GPR132: variants seen among roughly 807,000 people sequenced by gnomAD.
GPR132 encodes G protein-coupled receptor 132, also known as probable G protein-coupled receptor 132.
A neutral mutation model predicts 1.9 loss-of-function variants in GPR132; 4 were observed. The ratio of observed to expected loss-of-function variants is 2.13; its 90% confidence interval spans 1.05 to 4.87. The LOEUF is 4.87. GPR132 is among the 30% of genes most tolerant of loss of function. The probability of loss-of-function intolerance (pLI) is 0.01; values close to 1 mark genes in which losing one functional copy is unlikely to be tolerated. For synonymous variants in GPR132, 233 were observed against 234.2 expected (o/e 0.99, Z 0.05); for missense variants, 404 against 512.5 (o/e 0.79, Z 2.04).
rs767500349 is a variant in GPR132, at chr14:105,051,336, A to G, written c.801T>C (p.Ala267=). Reference sequence around the variant, plus strand: ...TGTCTCCTCTGTAGTAGGAAAAGGCAGCGGCTTTGACGAGGAGAACCAGGT... The same window carrying G: ...TGTCTCCTCTGTAGTAGGAAAAGGCGGCGGCTTTGACGAGGAGAACCAGGT... The part of the protein sequence containing the change: ...PYHLVLLVKA[A]AFSYYRGDRN... Residue 267 remains alanine, a synonymous_variant, in exon 4 of 4, where the codon GCT becomes GCC. Coordinates refer to ENST00000329797, the MANE Select transcript of GPR132 (RefSeq NM_013345.4). This position sits in a 1 kb window ranked among gnomAD's most constrained non-coding sequence, Gnocchi z 8.0. 6.2e-7 allele frequency: 1 copy of G among 1,613,972 alleles called. No homozygotes were observed. Among genetic ancestry groups the G allele is most frequent in the South Asian group, 1.1e-5 (1 of 91,088 alleles).
In GPR132 at chr14:105,063,826, A is replaced by G. The variant is rs139587930; in HGVS notation, c.-861+1553T>C. 1.5e-3 allele frequency among the ~76,000 whole-genome samples: 224 copies of G among 148,078 alleles called. 6 individuals carry two copies. The East Asian group carries it at 0.027, about 18-fold the overall frequency. ...GCTGCTGAGGTCTGTCTTGTGGACTATCTGTAATTTCTTTCTTTCTTTTTT... is the reference window on the plus strand; with the variant it reads ...GCTGCTGAGGTCTGTCTTGTGGACTGTCTGTAATTTCTTTCTTTCTTTTTT... On this transcript the variant is annotated intron_variant, in intron 1 of 3. Coordinates refer to ENST00000329797, the MANE Select transcript of GPR132 (RefSeq NM_013345.4).
chr14:105,064,050 G>C (rs1260986696), intron 1 of GPR132, among the ~76,000 whole-genome samples: 2 of 151,954 alleles, frequency 1.3e-5, no homozygotes, highest in Non-Finnish European at 2.9e-5. Context: ...TATTGGTTAC[G>C]CTGGTCTCGA....
At position 105,052,239 on chromosome 14, in the gene GPR132, G is replaced by T. The variant is rs568151192; in HGVS notation, c.35-137C>A. On this transcript the variant is annotated intron_variant, in intron 3 of 3. Transcript: ENST00000329797. ...CAGGTGTTTAAAACATTTCCAAATT[G>T]ATTTTTTAGAGCAATTATTAGATAG... is the stretch of plus-strand genomic sequence containing the variant. 6.8e-5 allele frequency: 43 copies of T among 631,534 alleles called. No individual in the cohort carries two copies. In the South Asian group the frequency reaches 1.3e-3, roughly 19 times the overall value. 39.1% of individuals were successfully genotyped at this position (631,534 alleles called of 1,614,324 possible).
chr14:105,057,139 T>C (rs1348696823), intron 2 of GPR132, 28 bp downstream of exon 2: 1 of 1,520,418 alleles, frequency 6.6e-7, no homozygotes, highest in Non-Finnish European at 8.8e-7. Flanking sequence ...TCCTCTTACA[T>C]GTTCAAAGTC....
chr14:105,064,495 G>A lies in GPR132; in HGVS notation c.-861+884C>T, dbSNP rs188325727. On this transcript the variant is annotated intron_variant, in intron 1 of 3. Coordinates refer to ENST00000329797, the MANE Select transcript of GPR132 (RefSeq NM_013345.4). The stretch of plus-strand genomic sequence containing the variant: ...ATTACAGACGTGTGCCAACACGCCC[G>A]GCTAATTTTTGTATTTTTAGTAGAG... 8.7e-3 allele frequency among the ~76,000 whole-genome samples: 1,326 copies of A among 151,998 alleles called. 16 individuals are homozygous for A. Among genetic ancestry groups the A allele is most frequent in the Non-Finnish European group, 0.011 (757 of 67,966 alleles).
chr14:105,064,118 C>T (rs1175546678), intron 1 of GPR132, among the ~76,000 whole-genome samples: 2 of 152,132 alleles, frequency 1.3e-5, no homozygotes, highest in Admixed American at 6.5e-5. Context: ...GGATTACAGG[C>T]GTAAGCCACC....
intron 3 of GPR132, chr14:105,054,032 G>C: frequency 1.6e-6 from 2 of 1,287,332 alleles, no homozygotes; most frequent in South Asian, 2.5e-5. Context: ...CCCAAGCTCT[G>C]CCAGCGCCAC....
At chr14:105,053,188 C>T (rs1403535665) in intron 3 of GPR132, among the ~76,000 whole-genome samples, 2 of 144,556 alleles carry the variant, frequency 1.4e-5, no homozygotes, top group Non-Finnish European at 3.0e-5. Flanking sequence ...GAGTCTCTCC[C>T]TCTGCTCTGT....
At position 105,055,500 on chromosome 14, in the gene GPR132, G is replaced by A. The variant is rs1377105608; in HGVS notation, c.-80C>T. 5.2e-6 allele frequency: 4 copies of A among 769,306 alleles called. No homozygotes were observed. Among genetic ancestry groups the A allele is most frequent in the Admixed American group, 1.7e-5 (1 of 58,448 alleles). The allele number at this position is 769,306 out of a possible 1,614,324, so 47.7% of individuals were successfully genotyped here. A position where few individuals can be genotyped will look rare whatever the true frequency, so the allele number is the denominator to read the frequency against. On this transcript the variant is annotated 5_prime_UTR_variant, in exon 3 of 4. Transcript: ENST00000329797. This position sits in a 1 kb window ranked among gnomAD's most constrained non-coding sequence, Gnocchi z 4.7. ...CCAAACGGAGACTCTGCCCCAGGAA[G>A]CACTCGCTCCGCATTTGCTCCCAGC... is the stretch of plus-strand genomic sequence containing the variant.
At chr14:105,057,095 G>A in intron 2 of GPR132, 72 bp downstream of exon 2, 1 of 1,115,398 alleles carries the variant, frequency 9.0e-7, no homozygotes, top group East Asian at 2.6e-5. Context: ...TGAATTATGA[G>A]ACAACATGCT....
At chr14:105,064,585 C>T (rs533047225) in intron 1 of GPR132, among the ~76,000 whole-genome samples, 1 of 151,754 alleles carries the variant, frequency 6.6e-6, no homozygotes, top group African/African-American at 2.4e-5. Context: ...CCGCCCACCT[C>T]GGCCTCCCAA....
rs45499295 is a variant in GPR132 at position 105,049,792 on chromosome 14, T to C, written c.*1202A>G. ...AAGGCCCTGTCTCTAAAAAAATAAATATTAAAAACAAAAACAAAAACAAAA... is the reference window on the plus strand; with the variant it reads ...AAGGCCCTGTCTCTAAAAAAATAAACATTAAAAACAAAAACAAAAACAAAA... On this transcript the variant is annotated 3_prime_UTR_variant, in exon 4 of 4. Coordinates refer to ENST00000329797, the MANE Select transcript of GPR132 (RefSeq NM_013345.4). The C allele has an allele frequency of 6.0e-4, 91 of 152,336 alleles. 1 individual carries two copies. In the East Asian group the frequency reaches 0.017, roughly 29 times the overall value. 9.4% of individuals were successfully genotyped at this position (152,336 alleles called of 1,614,324 possible).
At chr14:105,052,161 C>T in intron 3 of GPR132, 59 bp from the exon 4 acceptor site, 1 of 1,382,434 alleles carries the variant, frequency 7.2e-7, no homozygotes, top group South Asian at 1.4e-5. Flanking sequence ...GGGAGAGACT[C>T]TACTGTGGGA....
rs188896706 is a variant in GPR132 at position 105,055,325 on chromosome 14, G to T, written c.34+62C>A. On this transcript the variant is annotated intron_variant, in intron 3 of 3. Coordinates refer to ENST00000329797, the MANE Select transcript of GPR132 (RefSeq NM_013345.4). This position sits in a 1 kb window ranked among gnomAD's most constrained non-coding sequence, Gnocchi z 4.7. Reference sequence around the variant, plus strand: ...CTGGGCGATAGAGTGAGACTCAATCGCAAGAAAAAAAAATTGAAAAAGTGG... The same window carrying T: ...CTGGGCGATAGAGTGAGACTCAATCTCAAGAAAAAAAAATTGAAAAAGTGG... 10 of 780,148 alleles carry T rather than the reference G, an allele frequency of 1.3e-5. No homozygotes were observed. Among genetic ancestry groups the T allele is most frequent in the East Asian group, 9.7e-5 (4 of 41,232 alleles). The allele number at this position is 780,148 out of a possible 1,614,324, so 48.3% of individuals were successfully genotyped here. A position where few individuals can be genotyped will look rare whatever the true frequency, so the allele number is the denominator to read the frequency against.
chr14:105,062,287 A>C (rs1219000882), intron 1 of GPR132, among the ~76,000 whole-genome samples: 1 of 152,110 alleles, frequency 6.6e-6, no homozygotes, highest in Non-Finnish European at 1.5e-5. Flanking sequence ...CCCAGCCTCC[A>C]TGCTGGGCAA....
Position 105,056,556 on chromosome 14 carries a change from G to A in GPR132, c.-746-390C>T, listed in dbSNP as rs960149164. On this transcript the variant is annotated intron_variant, in intron 2 of 3. Transcript: ENST00000329797. This position sits in a 1 kb window ranked among gnomAD's most constrained non-coding sequence, Gnocchi z 6.0. ...AGCCGCTCTGGTCTGTTCCCTCCCC[G>A]ACTTCCTACGGCTCCCCCACCCCAC... Among the ~76,000 whole-genome samples, 3 of 152,094 alleles carry A rather than the reference G, an allele frequency of 2.0e-5. No homozygotes were observed. Among genetic ancestry groups the A allele is most frequent in the Non-Finnish European group, 2.9e-5 (2 of 67,998 alleles).
At chr14:105,058,676 C>T (rs1381096701) in intron 1 of GPR132, among the ~76,000 whole-genome samples, 2 of 152,256 alleles carry the variant, frequency 1.3e-5, no homozygotes, top group Non-Finnish European at 2.9e-5. Context: ...GTGACGTGCA[C>T]ATGGCCTGGA....
At chr14:105,065,193 G>A (rs1377425431) in intron 1 of GPR132, among the ~76,000 whole-genome samples, 186 bp downstream of exon 1, 1 of 152,158 alleles carries the variant, frequency 6.6e-6, no homozygotes, top group East Asian at 1.9e-4. Flanking sequence ...TGTGGTCACT[G>A]GGGGTCCTGG....
At chr14:105,062,000 G>A (rs757260180) in intron 1 of GPR132, among the ~76,000 whole-genome samples, 3 of 152,236 alleles carry the variant, frequency 2.0e-5, no homozygotes, top group Non-Finnish European at 2.9e-5. Context: ...GTGGACTCCA[G>A]GGGACTCTGT....
Sources: allele counts gnomAD v4.1 joint callset (sites outside exome capture counted in the v4.1 genomes callset), GRCh38; gene constraint gnomAD v4.1.1; non-coding constraint Gnocchi (gnomAD v3.1); transcripts MANE v1.5; gene names NCBI Gene and HGNC (gene_info 2026-07-23, HGNC 2026-07-21).